DISC1: variants seen among roughly 807,000 people sequenced by gnomAD.
The protein encoded by DISC1 is disrupted in schizophrenia 1 protein.
In DISC1, 57 loss-of-function variants were observed where a neutral mutation model predicts 84.5. That is an observed-to-expected ratio of 0.67 (90% CI 0.55 to 0.84). The LOEUF (loss-of-function observed/expected upper bound fraction) is 0.84. Ranked by LOEUF, DISC1 falls within the 40% of genes least tolerant of loss-of-function variation. DISC1 has a pLI of 0.00. For synonymous variants in DISC1, 411 were observed against 415.2 expected (o/e 0.99, Z 0.12); for missense variants, 1,000 against 1,057.8 (o/e 0.95, Z 0.76).
chr1:231,726,137 C>T (rs897730061), intron 3 of DISC1, among the ~76,000 whole-genome samples: 1 of 152,188 alleles, frequency 6.6e-6, no homozygotes, highest in Admixed American at 6.5e-5. Flanking sequence ...AGCTTAATAA[C>T]AGGCACAGCC....
chr1:231,917,421 C>G (rs563980992), intron 9 of DISC1, among the ~76,000 whole-genome samples: 1 of 152,346 alleles, frequency 6.6e-6, no homozygotes, highest in South Asian at 2.1e-4. Flanking sequence ...GAAGCGATCA[C>G]TCTTATATTT....
At chr1:231,759,662 C>T (rs1287122520) in intron 4 of DISC1, among the ~76,000 whole-genome samples, 1 of 151,404 alleles carries the variant, frequency 6.6e-6, no homozygotes, top group African/African-American at 2.4e-5. Flanking sequence ...GCTATGATTA[C>T]ACCACTGCAC....
intron 1 of DISC1, among the ~76,000 whole-genome samples, chr1:231,680,429 C>T (rs376484026): frequency 3.9e-4 from 60 of 152,118 alleles, no homozygotes; most frequent in African/African-American, 1.3e-3. Context: ...CATATAGCAG[C>T]AGGTTGTTGT....
At chr1:231,733,873 G>A (rs1461157835) in intron 3 of DISC1, among the ~76,000 whole-genome samples, 1 of 150,670 alleles carries the variant, frequency 6.6e-6, no homozygotes. Context: ...GGTGGTGACA[G>A]TTGTGATGGT....
intron 5 of DISC1, among the ~76,000 whole-genome samples, chr1:231,768,869 C>G (rs1019980083): frequency 3.3e-5 from 5 of 152,018 alleles, no homozygotes; most frequent in African/African-American, 1.2e-4. Flanking sequence ...GAGATTGGAC[C>G]CAACAGTTCA....
At chr1:231,804,406 G>T (rs2079543962) in intron 8 of DISC1, among the ~76,000 whole-genome samples, 1 of 151,738 alleles carries the variant, frequency 6.6e-6, no homozygotes, top group Admixed American at 6.6e-5. Context: ...GGAAGTGTCA[G>T]ATCTGGTTCT....
At chr1:231,929,893 TA>T (rs1240339459) in intron 9 of DISC1, among the ~76,000 whole-genome samples, 8 of 152,120 alleles carry the variant, frequency 5.3e-5, no homozygotes, top group Admixed American at 2.0e-4. Context: ...TTGTAGTAGT[TA>T]AGGGGTGAGG....
intron 1 of DISC1, among the ~76,000 whole-genome samples, chr1:231,628,229 A>C (rs894064989): frequency 7.9e-5 from 12 of 152,220 alleles, no homozygotes; most frequent in African/African-American, 2.7e-4. Flanking sequence ...CAGAGCAAAA[A>C]GAACCGTGGA....
intron 9 of DISC1, among the ~76,000 whole-genome samples, chr1:231,859,720 C>A (rs891457181): frequency 7.2e-5 from 11 of 152,186 alleles, no homozygotes; most frequent in African/African-American, 2.6e-4. Context: ...ACCACTTTTT[C>A]TTTTCTTTTG....
intron 4 of DISC1, chr1:231,750,512 G>A (rs1030722426): frequency 1.0e-6 from 1 of 994,320 alleles, no homozygotes; most frequent in Non-Finnish European, 1.2e-6. Context: ...AGCAACATTT[G>A]CTATTTGTGT....
chr1:231,773,346 G>C (rs2076697946), intron 6 of DISC1, among the ~76,000 whole-genome samples: 1 of 152,166 alleles, frequency 6.6e-6, no homozygotes, highest in Admixed American at 6.5e-5. Flanking sequence ...GACTTTTACT[G>C]AGTAATCTAG....
intron 6 of DISC1, among the ~76,000 whole-genome samples, chr1:231,784,211 C>A (rs1289974605): frequency 1.3e-5 from 2 of 150,966 alleles, no homozygotes; most frequent in African/African-American, 4.9e-5. Context: ...TGCAGTAAAC[C>A]GAGATCGCAC....
chr1:231,734,152 G>A (rs2072137274), intron 3 of DISC1, among the ~76,000 whole-genome samples: 1 of 152,064 alleles, frequency 6.6e-6, no homozygotes, highest in East Asian at 1.9e-4. Context: ...CCATAAGCTT[G>A]GACCACATAT....
At chr1:231,827,933 T>C (rs2081972626) in intron 9 of DISC1, among the ~76,000 whole-genome samples, 1 of 152,344 alleles carries the variant, frequency 6.6e-6, no homozygotes, top group Middle Eastern at 3.4e-3. Context: ...GGTATGCTCA[T>C]ATTCCACAAG....
rs1330317202 is a variant in DISC1, at chr1:231,995,962, G to A, written c.2043-12823G>A. On this transcript the variant is annotated intron_variant, in intron 10 of 12. Transcript: ENST00000439617. ...ACTAGTTTACAGTCCCACCAACAGTGTAAAAGTGTTCCTATTTCTCCACAT... is the reference window on the plus strand; with the variant it reads ...ACTAGTTTACAGTCCCACCAACAGTATAAAAGTGTTCCTATTTCTCCACAT... Among the ~76,000 whole-genome samples the A allele has an allele frequency of 5.3e-5, 8 of 152,192 alleles. No homozygotes were observed. In the South Asian group the frequency reaches 1.5e-3, roughly 28 times the overall value.
chr1:231,762,219 T>A (rs1414550038), intron 4 of DISC1, among the ~76,000 whole-genome samples: 1,047 of 55,790 alleles, frequency 0.019, 18 homozygotes, highest in African/African-American at 0.072. Context: ...TTTTCTCTTC[T>A]TTTCTTTTCT....
At chr1:231,886,839 CTTTCT>C (rs2086801768) in intron 9 of DISC1, among the ~76,000 whole-genome samples, 1 of 102,626 alleles carries the variant, frequency 9.7e-6, no homozygotes, top group Non-Finnish European at 2.0e-5. Flanking sequence ...TTCTTTCCTT[CTTTCT>C]TTTCTTTCTT....
chr1:231,708,882 C>G (rs2124987980), intron 3 of DISC1, among the ~76,000 whole-genome samples: 1 of 152,256 alleles, frequency 6.6e-6, no homozygotes, highest in Non-Finnish European at 1.5e-5. Flanking sequence ...ACAATTTTAT[C>G]TAAAAAATTA....
chr1:232,021,333 T>TACACAC (rs36231584), intron 11 of DISC1, among the ~76,000 whole-genome samples: 2,802 of 148,186 alleles, frequency 0.019, 60 homozygotes, highest in African/African-American at 0.056. Flanking sequence ...ACTTGTTCTA[T>TACACAC]ACACACACAC....
Sources: gnomAD v4.1 joint callset for allele counts (sites outside exome capture counted in the v4.1 genomes callset) on GRCh38, gnomAD v4.1.1 for gene constraint, MANE v1.5 for transcripts, NCBI Gene and HGNC (gene_info 2026-07-23, HGNC 2026-07-21) for gene names.